The following PCNX3 variants were observed in gnomAD, a reference collection of about 807,000 sequenced individuals.
PCNX3 encodes the protein pecanex 3, also known as pecanex-like protein 3.
Under a neutral mutation model 207.2 loss-of-function variants are expected in PCNX3, and 58 were observed. The observed-to-expected ratio is 0.28, with a 90% CI of 0.23 to 0.35. The LOEUF (loss-of-function observed/expected upper bound fraction) is 0.35, where lower values mean the gene tolerates loss of function less well. PCNX3 is among the 10% of genes least tolerant of loss of function. The pLI is 1.00. For missense variants in PCNX3, 2,410 were observed against 2,774.4 expected (o/e 0.87, Z 2.95); for synonymous variants, 1,337 against 1,183.5 (o/e 1.13, Z -2.66).
Position 65,617,499 on chromosome 11 carries a change from G to A in PCNX3, c.471G>A (p.Gly157=). ...TGCTGCCCCGAATGGAGGACTCTGG[G>A]CCCCTTAGAGGTAGGTGGCTGCTCT... ...SELLPRMEDS[G]PLRDIKELVR... The change falls in exon 4 of 35, where the codon GGG becomes GGA. Residue 157 remains glycine (G), a synonymous_variant. Coordinates refer to ENST00000355703, the MANE Select transcript of PCNX3 (RefSeq NM_032223.4). 1 of 1,613,964 alleles carries A rather than the reference G, an allele frequency of 6.2e-7. No individual in the cohort carries two copies. Among genetic ancestry groups the A allele is most frequent in the Non-Finnish European group, 8.5e-7 (1 of 1,179,878 alleles).
Position 65,617,478 on chromosome 11 carries a change from G to A in PCNX3, c.450G>A (p.Leu150=). 1 of 1,613,954 alleles carries A rather than the reference G, an allele frequency of 6.2e-7. No individual in the cohort carries two copies. The highest frequency in any genetic ancestry group is 8.5e-7 in the Non-Finnish European group (1 of 1,179,888). ...GCTCTCTGTCTACTCAGGAGCTGCT[G>A]CCCCGAATGGAGGACTCTGGGCCCC... The part of the protein sequence containing the change: ...VFGFNQVSEL[L]PRMEDSGPLR... Residue 150 remains leucine (L), a synonymous_variant, in exon 4 of 35, where the codon CTG becomes CTA. Transcript: ENST00000355703.
chr11:65,637,102 C>T lies in PCNX3; in HGVS notation c.*124C>T. 8.8e-7 allele frequency: 1 copy of T among 1,135,060 alleles called. No individual in the cohort carries two copies. The highest frequency in any genetic ancestry group is 1.2e-6 in the Non-Finnish European group (1 of 807,672). The allele number at this position is 1,135,060 out of a possible 1,614,324, so 70.3% of individuals were successfully genotyped here. On this transcript the variant is annotated 3_prime_UTR_variant, in exon 35 of 35. Coordinates refer to ENST00000355703, the MANE Select transcript of PCNX3 (RefSeq NM_032223.4). ...TGTCTGAACCCTGACCTTTGGCTGC[C>T]TTGGCCAGAGTACCAAAACTGAGTG...
In PCNX3 at chr11:65,625,525, G is replaced by A. The variant is rs755066909; in HGVS notation, c.3135+15G>A. Reference sequence around the variant, plus strand: ...GCCAGTCGGTGGTGAGGGGGCGGGGGGTGGGGGTCTGTGGGGAGGTGGTGA... The same window carrying A: ...GCCAGTCGGTGGTGAGGGGGCGGGGAGTGGGGGTCTGTGGGGAGGTGGTGA... On this transcript the variant is annotated intron_variant, in intron 18 of 34. Coordinates refer to ENST00000355703, the MANE Select transcript of PCNX3 (RefSeq NM_032223.4). The surrounding 1 kb of genome is among the most constrained non-coding windows in gnomAD (Gnocchi z 5.6). 1.5e-5 allele frequency: 24 copies of A among 1,593,650 alleles called. 1 individual carries two copies. The South Asian group carries it at 2.3e-4, about 15-fold the overall frequency.
chr11:65,625,851 TG>T lies in PCNX3; in HGVS notation c.3229-51del, dbSNP rs972929596. ...CCGGCCTGTGCCAGGTGGCCCTCTG[TG>T]GTCCCTTGGCCTGCTCCCATCAGCT... On this transcript the variant is annotated intron_variant, in intron 19 of 34. Coordinates refer to ENST00000355703, the MANE Select transcript of PCNX3 (RefSeq NM_032223.4). This position sits in a 1 kb window ranked among gnomAD's most constrained non-coding sequence, Gnocchi z 5.6. The T allele has an allele frequency of 1.9e-6, 3 of 1,600,020 alleles. No homozygotes were observed. The highest frequency in any genetic ancestry group is 2.6e-6 in the Non-Finnish European group (3 of 1,172,030).
At position 65,636,303 on chromosome 11, in the gene PCNX3, G is replaced by C; in HGVS notation, c.5589G>C (p.Thr1863=). ...PPVAHPTPEN[T]AGNGDQPLPP... is the part of the protein sequence containing the mutation. ...TGGCACACCCCACACCTGAGAACAC[G>C]GCAGGTGAGCAGGCGAGGCTGGGCT... Residue 1863 remains threonine, a synonymous_variant, in exon 33 of 35, where the codon ACG becomes ACC. Transcript: ENST00000355703. 6.2e-7 allele frequency: 1 copy of C among 1,611,068 alleles called. No homozygotes were observed. The highest frequency in any genetic ancestry group is 8.5e-7 in the Non-Finnish European group (1 of 1,178,720).
rs1590885415 is a variant in PCNX3 at position 65,624,699 on chromosome 11, C to T, written c.2827+118C>T. The T allele has an allele frequency of 2.8e-5, 29 of 1,035,844 alleles. No individual in the cohort carries two copies. In the East Asian group the frequency reaches 7.6e-4, roughly 27 times the overall value. 64.2% of individuals were successfully genotyped at this position (1,035,844 alleles called of 1,614,324 possible). A position where few individuals can be genotyped will look rare whatever the true frequency, so the allele number is the denominator to read the frequency against. On this transcript the variant is annotated intron_variant, in intron 15 of 34. Coordinates refer to ENST00000355703, the MANE Select transcript of PCNX3 (RefSeq NM_032223.4). ...TTCTCCTGCGTCTGTACTGCAGACT[C>T]AAGGTTTCTGCCTTCTCCCCTCTCC...
Position 65,625,967 on chromosome 11 carries a change from C to T in PCNX3, c.3292C>T (p.Leu1098=), listed in dbSNP as rs1223914116. The T allele has an allele frequency of 2.5e-6, 4 of 1,613,842 alleles. No homozygotes were observed. In the Admixed American group the frequency reaches 6.7e-5, roughly 27 times the overall value. The change falls in exon 20 of 35, where the codon CTG becomes TTG. Residue 1098 remains leucine (L), a synonymous_variant. Coordinates refer to ENST00000355703, the MANE Select transcript of PCNX3 (RefSeq NM_032223.4). The surrounding 1 kb of genome is among the most constrained non-coding windows in gnomAD (Gnocchi z 5.6). ...CGTGGGCTTCTTCACACATTACCTGCTGCCACAACTCCGCAAACAGCTGCC... is the reference window on the plus strand; with the variant it reads ...CGTGGGCTTCTTCACACATTACCTGTTGCCACAACTCCGCAAACAGCTGCC... The part of the protein sequence containing the change: ...GAVGFFTHYL[L]PQLRKQLPWF...
chr11:65,624,822 T>C (rs1855295917), intron 15 of PCNX3, 103 bp from the exon 16 acceptor site: 1 of 1,260,026 alleles, frequency 7.9e-7, no homozygotes, highest in African/African-American at 1.5e-5. Context: ...TGGGGGTGCC[T>C]TTCCAGGGAG....
intron 8 of PCNX3, 150 bp downstream of exon 8, chr11:65,620,082 G>A (rs1044585065): frequency 1.0e-6 from 1 of 954,490 alleles, no homozygotes; most frequent in African/African-American, 1.7e-5. Flanking sequence ...GAGGCACGGT[G>A]TCTCTGTCAT....
In PCNX3 at chr11:65,620,388, C is replaced by A; in HGVS notation, c.2058C>A (p.Asn686Lys). ...TFGLAGGGYENPVGQQGEQTA... is the reference protein window; with the variant it reads ...TFGLAGGGYEKPVGQQGEQTA... ...GCCTGGCTGGAGGCGGCTACGAGAA[C>A]CCTGTAGGGCAGCAAGGGGAGCAGA... Residue 686 changes from asparagine (N) to lysine (K), a missense_variant, in exon 9 of 35, where the codon AAC becomes AAA. Asn to Lys is a moderately conservative substitution (Grantham distance 94). Coordinates refer to ENST00000355703, the MANE Select transcript of PCNX3 (RefSeq NM_032223.4). 6.2e-7 allele frequency: 1 copy of A among 1,613,466 alleles called. No homozygotes were observed. The highest frequency in any genetic ancestry group is 8.5e-7 in the Non-Finnish European group (1 of 1,179,832).
Position 65,630,583 on chromosome 11 carries a change from C to T in PCNX3, c.4449C>T (p.Ile1483=), listed in dbSNP as rs1485896013. The T allele has an allele frequency of 6.2e-7, 1 of 1,611,490 alleles. No individual in the cohort carries two copies. Among genetic ancestry groups the T allele is most frequent in the Non-Finnish European group, 8.5e-7 (1 of 1,178,338 alleles). Residue 1483 remains isoleucine, a synonymous_variant, in exon 27 of 35, where the codon ATC becomes ATT. Coordinates refer to ENST00000355703, the MANE Select transcript of PCNX3 (RefSeq NM_032223.4). ...TGCAGGTTTTCGACCTCCGCAAGAT[C>T]CTCATCACCTACTATGTCAAGGTAC... ...SMLQVFDLRK[I]LITYYVKSII...
chr11:65,617,810 G>A (rs1167795791), intron 5 of PCNX3, 104 bp downstream of exon 5: 2 of 1,474,982 alleles, frequency 1.4e-6, no homozygotes. Flanking sequence ...GTATTCCTCT[G>A]TGGGACCTCC....
intron 27 of PCNX3, among the ~76,000 whole-genome samples, chr11:65,631,614 G>A (rs949746097): frequency 1.4e-4 from 21 of 152,236 alleles, no homozygotes; most frequent in African/African-American, 4.8e-4. Context: ...AGCCGAGATC[G>A]TGCTACTGCA....
chr11:65,635,902 T>A lies in PCNX3; in HGVS notation c.5459+99T>A, dbSNP rs922784881. ...AGGGAGGACGTGCTGGAGCCAGGGC[T>A]TGAATCCCGAGAGATGACCCCCTCC... On this transcript the variant is annotated intron_variant, in intron 32 of 34. Transcript: ENST00000355703. This position sits in a 1 kb window ranked among gnomAD's most constrained non-coding sequence, Gnocchi z 9.9. The A allele has an allele frequency of 1.2e-5, 18 of 1,445,710 alleles. No homozygotes were observed. The highest frequency in any genetic ancestry group is 1.7e-5 in the Non-Finnish European group (18 of 1,090,236). The allele number at this position is 1,445,710 out of a possible 1,614,324, so 89.6% of individuals were successfully genotyped here.
In PCNX3 at chr11:65,616,831, C is replaced by T. The variant is rs1226660148; in HGVS notation, c.161C>T (p.Pro54Leu). Reference protein sequence around the residue: ...IFPFLLYMVLPPSLMVAGVYC... With the variant: ...IFPFLLYMVLLPSLMVAGVYC... ...GCTTACTTTCATCTTCAGGTCCTGC[C>T]TCCCAGCTTGATGGTGGCCGGCGTG... Residue 54 changes from proline (P) to leucine (L), a missense_variant, in exon 2 of 35, where the codon CCT becomes CTT. Physicochemically the swap from Pro to Leu is moderately conservative, Grantham distance 98. Around this residue, in one of 8 missense-constraint regions of PCNX3, gnomAD observed 1,104 missense variants for 970.3 expected, o/e 1.14. Transcript: ENST00000355703. 6.2e-7 allele frequency: 1 copy of T among 1,611,200 alleles called. No individual in the cohort carries two copies. The highest frequency in any genetic ancestry group is 8.5e-7 in the Non-Finnish European group (1 of 1,177,980).
chr11:65,622,605 A>C (rs533807413), intron 11 of PCNX3, among the ~76,000 whole-genome samples: 287 of 152,050 alleles, frequency 1.9e-3, no homozygotes, highest in Non-Finnish European at 3.4e-3. Context: ...GCTGAAAAAA[A>C]CTTTTTTTGA....
intron 10 of PCNX3, among the ~76,000 whole-genome samples, chr11:65,622,042 G>C (rs1855131654): frequency 6.6e-6 from 1 of 152,102 alleles, no homozygotes; most frequent in Admixed American, 6.6e-5. Context: ...CTGGAGAGAG[G>C]AGGAGCCCTT....
At position 65,636,824 on chromosome 11, in the gene PCNX3, A is replaced by G. The variant is rs1442244858; in HGVS notation, c.5951A>G (p.Glu1984Gly). Residue 1984 changes from glutamate to glycine, a missense_variant, in exon 35 of 35, where the codon GAG becomes GGG. By Grantham distance (98) the Glu-to-Gly change is moderately conservative. Coordinates refer to ENST00000355703, the MANE Select transcript of PCNX3 (RefSeq NM_032223.4). ...AGCCTCAGCCCCGATGTCAGCACTG[A>G]GGCCTCACCCCCCAGAGCTTCCCAG... ...SLSLSPDVSTEASPPRASQDI... is the reference protein window; with the variant it reads ...SLSLSPDVSTGASPPRASQDI... 1 of 1,547,238 alleles carries G rather than the reference A, an allele frequency of 6.5e-7. No homozygotes were observed. Among genetic ancestry groups the G allele is most frequent in the South Asian group, 1.2e-5 (1 of 83,988 alleles).
At chr11:65,623,379 C>G (rs1855212920) in intron 11 of PCNX3, 112 bp from the exon 12 acceptor site, 1 of 1,371,970 alleles carries the variant, frequency 7.3e-7, no homozygotes, top group Admixed American at 2.9e-5. Context: ...GGACAAGGGT[C>G]TGGCATGGGC....
Sources: gnomAD v4.1 joint callset for allele counts (sites outside exome capture counted in the v4.1 genomes callset) on GRCh38, gnomAD v4.1.1 for gene constraint, gnomAD v4.1.1 regional missense constraint, Gnocchi (gnomAD v3.1) non-coding constraint, MANE v1.5 for transcripts, NCBI Gene and HGNC (gene_info 2026-07-23, HGNC 2026-07-21) for gene names.